The following OSBPL3 variants were observed in gnomAD, a reference collection of about 807,000 sequenced individuals.
OSBPL3 encodes the protein oxysterol-binding protein-related protein 3.
OSBPL3 carries 65 observed loss-of-function variants against 120.1 expected under a neutral mutation model. The ratio of observed to expected loss-of-function variants is 0.54; its 90% CI spans 0.44 to 0.67. The LOEUF is 0.67. OSBPL3 is among the 30% of genes least tolerant of loss of function. The pLI, the probability that OSBPL3 is intolerant of heterozygous loss-of-function variation, is 0.00. For synonymous variants in OSBPL3, 416 were observed against 402.6 expected, an observed-to-expected ratio of 1.03 and a Z score of -0.40; for missense variants, 1,004 against 1,082.1, an observed-to-expected ratio of 0.93 and a Z score of 1.01.
rs367557961 is a variant in OSBPL3, at chr7:24,897,503, T to A, written c.-149-4882A>T. 1.2e-3 allele frequency among the ~76,000 whole-genome samples: 177 copies of A among 151,620 alleles called. 1 individual carries two copies. Among genetic ancestry groups the A allele is most frequent in the African/African-American group, 3.9e-3 (161 of 41,314 alleles). Reference sequence around the variant, plus strand: ...ACCACGCCCGGCTAATTTTTTGTATTTTTAGTAGAGACGGGGTTTCACCGT... The same window carrying A: ...ACCACGCCCGGCTAATTTTTTGTATATTTAGTAGAGACGGGGTTTCACCGT... On this transcript the variant is annotated intron_variant, in intron 1 of 22. Transcript: ENST00000313367.
In OSBPL3 at chr7:24,796,623, G is replaced by C. The variant is rs921470402; in HGVS notation, c.*3560C>G. On this transcript the variant is annotated 3_prime_UTR_variant, in exon 23 of 23. Coordinates refer to ENST00000313367, the MANE Select transcript of OSBPL3 (RefSeq NM_015550.4). This position sits in a 1 kb window ranked among gnomAD's most constrained non-coding sequence, Gnocchi z 5.2. ...AATAGGAGCTTTTTGGGGAGGCAGA[G>C]GTATGGATGGAAGGGTGGGATTAAA... 5.9e-5 allele frequency: 9 copies of C among 152,164 alleles called. No individual in the cohort carries two copies. Among genetic ancestry groups the C allele is most frequent in the African/African-American group, 1.9e-4 (8 of 41,446 alleles). 9.4% of individuals were successfully genotyped at this position (152,164 alleles called of 1,614,324 possible).
intron 2 of OSBPL3, among the ~76,000 whole-genome samples, chr7:24,882,234 A>C (rs1803797411): frequency 6.6e-6 from 1 of 150,780 alleles, no homozygotes; most frequent in East Asian, 2.0e-4. Context: ...CCATTACCTA[A>C]TTTCTCCCCC....
At chr7:24,925,018 T>C (rs1810870583) in intron 1 of OSBPL3, among the ~76,000 whole-genome samples, 2 of 152,248 alleles carry the variant, frequency 1.3e-5, no homozygotes, top group African/African-American at 4.8e-5. Context: ...TATGTCGTTC[T>C]GCTCTTTGTA....
In OSBPL3 at chr7:24,964,139, G is replaced by A. The variant is rs1425287269; in HGVS notation, c.-150+15747C>T. Among the ~76,000 whole-genome samples the A allele has an allele frequency of 6.6e-6, 1 of 152,032 alleles. No homozygotes were observed. Among genetic ancestry groups the A allele is most frequent in the African/African-American group, 2.4e-5 (1 of 41,384 alleles). ...ACTGATTGAATAAACAAATGGAGAA[G>A]AAGAAACAAATCCGACTCACAGAAG... On this transcript the variant is annotated intron_variant, in intron 1 of 22. Transcript: ENST00000313367. The surrounding 1 kb of genome is among the most constrained non-coding windows in gnomAD (Gnocchi z 4.2).
In OSBPL3 at chr7:24,966,276, C is replaced by A. The variant is rs1187258249; in HGVS notation, c.-150+13610G>T. Reference sequence around the variant, plus strand: ...AGAAACCAAACTCCCACATCCTGTCCTTCTGACCCCTAGCATCTGTCAGAC... The same window carrying A: ...AGAAACCAAACTCCCACATCCTGTCATTCTGACCCCTAGCATCTGTCAGAC... On this transcript the variant is annotated intron_variant, in intron 1 of 22. Coordinates refer to ENST00000313367, the MANE Select transcript of OSBPL3 (RefSeq NM_015550.4). The surrounding 1 kb of genome is among the most constrained non-coding windows in gnomAD (Gnocchi z 4.8). Among the ~76,000 whole-genome samples the A allele has an allele frequency of 6.6e-6, 1 of 152,188 alleles. No homozygotes were observed. The highest frequency in any genetic ancestry group is 1.9e-4 in the East Asian group (1 of 5,194).
chr7:24,864,454 G>A (rs1366627471), intron 7 of OSBPL3, among the ~76,000 whole-genome samples: 1 of 152,206 alleles, frequency 6.6e-6, no homozygotes, highest in Non-Finnish European at 1.5e-5. Context: ...CTGCTCCAGA[G>A]ACAAGGCTTC....
chr7:24,870,819 G>A lies in OSBPL3; in HGVS notation c.294C>T (p.Cys98=). 1 of 1,613,318 alleles carries A rather than the reference G, an allele frequency of 6.2e-7. No individual in the cohort carries two copies. Among genetic ancestry groups the A allele is most frequent in the Non-Finnish European group, 8.5e-7 (1 of 1,179,244 alleles). ...ACATCACTGAGAGCCCGACATCAAT[G>A]CAGCCATGCAGCTTCTCTCTCTCTA... is the stretch of plus-strand genomic sequence containing the variant. ...TDIEREKLHG[C]IDVGLSVMSV... Residue 98 remains cysteine (C), a synonymous_variant, in exon 5 of 23, where the codon TGC becomes TGT. Coordinates refer to ENST00000313367, the MANE Select transcript of OSBPL3 (RefSeq NM_015550.4).
At position 24,916,746 on chromosome 7, in the gene OSBPL3, C is replaced by T. The variant is rs1334777128; in HGVS notation, c.-149-24125G>A. Among the ~76,000 whole-genome samples the T allele has an allele frequency of 2.0e-5, 3 of 151,956 alleles. No individual in the cohort carries two copies. The highest frequency in any genetic ancestry group is 6.6e-5 in the Admixed American group (1 of 15,248). On this transcript the variant is annotated intron_variant, in intron 1 of 22. Transcript: ENST00000313367. This position sits in a 1 kb window ranked among gnomAD's most constrained non-coding sequence, Gnocchi z 4.9. Reference sequence around the variant, plus strand: ...CTAGTAGGGAAGTGTAGAAACCTCCCGATAATGTAGATAAGAAAAAAACGT... The same window carrying T: ...CTAGTAGGGAAGTGTAGAAACCTCCTGATAATGTAGATAAGAAAAAAACGT...
In OSBPL3 at chr7:24,830,372, C is replaced by T. The variant is rs188889001; in HGVS notation, c.1884+396G>A. Among the ~76,000 whole-genome samples the T allele has an allele frequency of 1.1e-4, 16 of 152,222 alleles. No homozygotes were observed. The highest frequency in any genetic ancestry group is 9.2e-4 in the Admixed American group (14 of 15,286). Reference sequence around the variant, plus strand: ...CCTCTCAAATCAAAATTGAGAATAACGCATTTATCTGGCGCTACCCACTCT... The same window carrying T: ...CCTCTCAAATCAAAATTGAGAATAATGCATTTATCTGGCGCTACCCACTCT... On this transcript the variant is annotated intron_variant, in intron 16 of 22. Coordinates refer to ENST00000313367, the MANE Select transcript of OSBPL3 (RefSeq NM_015550.4). This position sits in a 1 kb window ranked among gnomAD's most constrained non-coding sequence, Gnocchi z 4.4.
intron 1 of OSBPL3, among the ~76,000 whole-genome samples, chr7:24,908,680 G>A (rs75350439): frequency 0.036 from 5,492 of 152,270 alleles, 221 homozygotes; most frequent in African/African-American, 0.083. Context: ...ATTCTCATAA[G>A]CTGCACAATG....
rs1213450859 is a variant in OSBPL3 at position 24,855,319 on chromosome 7, T to C, written c.1028-2685A>G. ...AGCTAGCCGCCACTTTCCAAATCAA[T>C]TCCTCTGGCTTCCAGGTGACCTACA... On this transcript the variant is annotated intron_variant, in intron 10 of 22. Coordinates refer to ENST00000313367, the MANE Select transcript of OSBPL3 (RefSeq NM_015550.4). This position sits in a 1 kb window ranked among gnomAD's most constrained non-coding sequence, Gnocchi z 4.3. Among the ~76,000 whole-genome samples the C allele has an allele frequency of 6.6e-6, 1 of 152,148 alleles. No individual in the cohort carries two copies. Among genetic ancestry groups the C allele is most frequent in the East Asian group, 1.9e-4 (1 of 5,188 alleles).
intron 1 of OSBPL3, among the ~76,000 whole-genome samples, chr7:24,915,390 A>G (rs973890790): frequency 6.6e-6 from 1 of 152,192 alleles, no homozygotes; most frequent in Non-Finnish European, 1.5e-5. Flanking sequence ...ATAAATTGCT[A>G]GTAGACTAGA....
chr7:24,809,950 G>C lies in OSBPL3; in HGVS notation c.2174C>G (p.Ala725Gly). 1 of 1,614,040 alleles carries C rather than the reference G, an allele frequency of 6.2e-7. No homozygotes were observed. Among genetic ancestry groups the C allele is most frequent in the Non-Finnish European group, 8.5e-7 (1 of 1,179,956 alleles). ...ATGGGCATTAGTGCTCCAGTATTTT[G>C]CCTAGGATTCAAATGAGTTGTTGGC... Reference protein sequence around the residue: ...SCYCKVNFIKAKYWSTNAHEI... With the variant: ...SCYCKVNFIKGKYWSTNAHEI... The change falls in exon 20 of 23, where the codon GCA (alanine) becomes GGA (glycine). Residue 725 changes from alanine to glycine, a missense_variant and splice_region_variant. Around this residue, in one of 4 missense-constraint regions of OSBPL3, gnomAD observed 473 missense variants for 568.0 expected, o/e 0.83. Transcript: ENST00000313367.
chr7:24,891,338 A>G lies in OSBPL3; in HGVS notation c.96+1039T>C, dbSNP rs1805319615. On this transcript the variant is annotated intron_variant, in intron 2 of 22. Transcript: ENST00000313367. This position sits in a 1 kb window ranked among gnomAD's most constrained non-coding sequence, Gnocchi z 4.1. ...CTGTGGCAAAATCTAATTTCCTGGA[A>G]TCACAGATTCATGGGTGGCAAAGCT... is the stretch of plus-strand genomic sequence containing the variant. 6.6e-6 allele frequency among the ~76,000 whole-genome samples: 1 copy of G among 152,116 alleles called. No homozygotes were observed. The highest frequency in any genetic ancestry group is 2.1e-4 in the South Asian group (1 of 4,826).
At position 24,937,216 on chromosome 7, in the gene OSBPL3, T is replaced by C. The variant is rs946947432; in HGVS notation, c.-150+42670A>G. 2.0e-5 allele frequency among the ~76,000 whole-genome samples: 3 copies of C among 152,208 alleles called. No homozygotes were observed. The highest frequency in any genetic ancestry group is 4.4e-5 in the Non-Finnish European group (3 of 68,038). On this transcript the variant is annotated intron_variant, in intron 1 of 22. Coordinates refer to ENST00000313367, the MANE Select transcript of OSBPL3 (RefSeq NM_015550.4). The surrounding 1 kb of genome is among the most constrained non-coding windows in gnomAD (Gnocchi z 4.0). ...TCAGATGTAGTGAGAACTAACTTATTATCATGAGAACAGGATGGAGGGAAC... is the reference window on the plus strand; with the variant it reads ...TCAGATGTAGTGAGAACTAACTTATCATCATGAGAACAGGATGGAGGGAAC...
chr7:24,977,672 C>T (rs922947118), intron 1 of OSBPL3, among the ~76,000 whole-genome samples: 1 of 152,056 alleles, frequency 6.6e-6, no homozygotes, highest in Non-Finnish European at 1.5e-5. Context: ...CTGGCTAACA[C>T]GGTGAAACCC....
At chr7:24,874,384 T>A (rs1409966756) in intron 2 of OSBPL3, among the ~76,000 whole-genome samples, 1 of 152,182 alleles carries the variant, frequency 6.6e-6, no homozygotes, top group Non-Finnish European at 1.5e-5. Flanking sequence ...TACTAAATAA[T>A]CATACACATC....
Position 24,900,574 on chromosome 7 carries a change from C to A in OSBPL3, c.-149-7953G>T, listed in dbSNP as rs1318491799. 2.0e-5 allele frequency among the ~76,000 whole-genome samples: 3 copies of A among 152,186 alleles called. No homozygotes were observed. Among genetic ancestry groups the A allele is most frequent in the Admixed American group, 2.0e-4 (3 of 15,280 alleles). On this transcript the variant is annotated intron_variant, in intron 1 of 22. Coordinates refer to ENST00000313367, the MANE Select transcript of OSBPL3 (RefSeq NM_015550.4). This position sits in a 1 kb window ranked among gnomAD's most constrained non-coding sequence, Gnocchi z 4.5. ...TCCCACTGCTTAGCTACTCCTTAAT[C>A]AAGGTATGGCAAGTACCAGACACAT...
chr7:24,950,665 T>C (rs891105731), intron 1 of OSBPL3, among the ~76,000 whole-genome samples: 2 of 152,342 alleles, frequency 1.3e-5, no homozygotes, highest in East Asian at 1.9e-4. Flanking sequence ...AAGCTTGCAG[T>C]GAGCGGAGAT....
Sources: allele counts gnomAD v4.1 joint callset (sites outside exome capture counted in the v4.1 genomes callset), GRCh38; gene constraint gnomAD v4.1.1; regional missense constraint gnomAD v4.1.1; non-coding constraint Gnocchi (gnomAD v3.1); transcripts MANE v1.5; gene names NCBI Gene and HGNC (gene_info 2026-07-23, HGNC 2026-07-21).